Variants in RAE1 observed in about 807,000 individuals in gnomAD.
The protein encoded by RAE1 is mRNA export factor RAE1.
In RAE1, 13 loss-of-function variants were observed where a neutral mutation model predicts 52.7. The observed-to-expected ratio is 0.25, with a 90% confidence interval of 0.16 to 0.39. The LOEUF (loss-of-function observed/expected upper bound fraction) is 0.39, where lower values mean the gene tolerates loss of function less well. Among genes scored for constraint, RAE1 ranks in the 10% least tolerant of loss-of-function variants. The pLI is 1.00. For synonymous variants in RAE1, 164 were observed against 153.1 expected (o/e 1.07, Z -0.52); for missense variants, 262 against 459.8 (o/e 0.57, Z 3.93).
At chr20:57,358,300 C>G (rs766035237) in intron 4 of RAE1, 2 of 152,098 alleles carry the variant, frequency 1.3e-5, no homozygotes, top group Non-Finnish European at 2.9e-5. Flanking sequence ...ATTTTTCATT[C>G]GATGAGTGTA....
chr20:57,365,715 AAGAC>A (rs1444104955), intron 5 of RAE1, among the ~76,000 whole-genome samples: 1 of 152,174 alleles, frequency 6.6e-6, no homozygotes, highest in Non-Finnish European at 1.5e-5. Context: ...AAATCTATGA[AAGAC>A]AGGTCATAGG....
At chr20:57,368,193 G>GT (rs1344264810) in intron 7 of RAE1, among the ~76,000 whole-genome samples, 1 of 152,154 alleles carries the variant, frequency 6.6e-6, no homozygotes, top group Non-Finnish European at 1.5e-5. Flanking sequence ...GCTGGTCTTT[G>GT]TTTTATGTAA....
In RAE1 at chr20:57,373,738, G is replaced by A. The variant is rs779871885; in HGVS notation, c.825G>A (p.Ala275=). ...TNTSAPQDIY[A]VNGIAFHPVH... is the part of the protein sequence containing the mutation. ...CTTCAGCTCCTCAGGACATTTATGCGGTACGTTTTTAGACACTTTAACCGT... is the reference window on the plus strand; with the variant it reads ...CTTCAGCTCCTCAGGACATTTATGCAGTACGTTTTTAGACACTTTAACCGT... The change falls in exon 10 of 12, where the codon GCG becomes GCA. Residue 275 remains alanine, a splice_region_variant and synonymous_variant. Coordinates refer to ENST00000395841, the MANE Select transcript of RAE1 (RefSeq NM_003610.4). The A allele has an allele frequency of 1.1e-5, 18 of 1,612,528 alleles. No individual in the cohort carries two copies. In the Admixed American group the frequency reaches 1.2e-4, roughly 10 times the overall value.
intron 8 of RAE1, among the ~76,000 whole-genome samples, chr20:57,370,333 A>G (rs1305979382): frequency 6.6e-6 from 1 of 152,150 alleles, no homozygotes; most frequent in Non-Finnish European, 1.5e-5. Context: ...CTGTTCTTAC[A>G]AGAAACATTT....
chr20:57,358,584 C>T (rs113906620), intron 4 of RAE1: 5,848 of 157,662 alleles, frequency 0.037, 150 homozygotes, highest in African/African-American at 0.082. Flanking sequence ...AGGTAGAAAC[C>T]GACCTGGATT....
At chr20:57,351,879 A>G (rs2066715149) in intron 1 of RAE1, 2 of 985,300 alleles carry the variant, frequency 2.0e-6, no homozygotes, top group South Asian at 4.7e-5. Context: ...TATTTATTGT[A>G]TACGTATATA....
At position 57,366,643 on chromosome 20, in the gene RAE1, C is replaced by CT. The variant is rs1272046193; in HGVS notation, c.376-163dup. ...GGGATTTGGTGGGGACATGCAAACT[C>CT]TGTCAGTGAGGAAGGATTGGTAAAA... On this transcript the variant is annotated intron_variant, in intron 5 of 11. Coordinates refer to ENST00000395841, the MANE Select transcript of RAE1 (RefSeq NM_003610.4). Among the ~76,000 whole-genome samples, 4 of 141,056 alleles carry CT rather than the reference C, an allele frequency of 2.8e-5. No homozygotes were observed. The East Asian group carries it at 5.8e-4, about 20-fold the overall frequency. 92.5% of individuals were successfully genotyped at this position (141,056 alleles called of 152,430 possible).
At chr20:57,353,690 G>A (rs1221149712) in intron 1 of RAE1, among the ~76,000 whole-genome samples, 2 of 152,208 alleles carry the variant, frequency 1.3e-5, no homozygotes, top group Non-Finnish European at 2.9e-5. Flanking sequence ...TGTAAAAAAT[G>A]AGTGAATTTA....
chr20:57,374,295 G>C (rs1176934393), intron 10 of RAE1, among the ~76,000 whole-genome samples: 1 of 152,206 alleles, frequency 6.6e-6, no homozygotes, highest in East Asian at 1.9e-4. Context: ...CTGGTAGACA[G>C]TTCACACCCA....
intron 4 of RAE1, among the ~76,000 whole-genome samples, chr20:57,360,152 G>A (rs898635194): frequency 6.6e-6 from 1 of 152,108 alleles, no homozygotes; most frequent in African/African-American, 2.4e-5. Flanking sequence ...GTGATTTCTA[G>A]AGTAGTATTC....
At position 57,375,031 on chromosome 20, in the gene RAE1, G is replaced by A. The variant is rs1325223214; in HGVS notation, c.1020+230G>A. ...CACAGGAAGTGCTCGGCCAGTGTGA[G>A]CCATTACGGGCTGCTCTGTTCCTGG... On this transcript the variant is annotated intron_variant, in intron 11 of 11. Transcript: ENST00000395841. The A allele has an allele frequency of 1.8e-5, 13 of 706,998 alleles. No individual in the cohort carries two copies. In the Admixed American group the frequency reaches 2.2e-4, roughly 12 times the overall value. The allele number at this position is 706,998 out of a possible 1,614,324, so 43.8% of individuals were successfully genotyped here.
intron 4 of RAE1, among the ~76,000 whole-genome samples, chr20:57,363,817 A>G (rs1163716650): frequency 6.6e-6 from 1 of 152,274 alleles, no homozygotes; most frequent in African/African-American, 2.4e-5. Context: ...GGCAAAACCT[A>G]CACTTCTGAA....
chr20:57,374,372 G>A (rs973237853), intron 10 of RAE1, among the ~76,000 whole-genome samples: 1 of 152,186 alleles, frequency 6.6e-6, no homozygotes, highest in South Asian at 2.1e-4. Context: ...CTTGTTTCTT[G>A]CTGTCCACAT....
At chr20:57,355,558 T>C (rs1265186136) in intron 3 of RAE1, among the ~76,000 whole-genome samples, 1 of 152,238 alleles carries the variant, frequency 6.6e-6, no homozygotes, top group Admixed American at 6.5e-5. Context: ...GATACCCTTC[T>C]GGGACTTGAG....
intron 2 of RAE1, among the ~76,000 whole-genome samples, 191 bp downstream of exon 2, chr20:57,354,319 G>T (rs2066753666): frequency 6.6e-6 from 1 of 152,242 alleles, no homozygotes; most frequent in Non-Finnish European, 1.5e-5. Context: ...TTCCTGGCCT[G>T]CCAGGTCTCC....
intron 7 of RAE1, 58 bp downstream of exon 7, chr20:57,367,137 TC>T: frequency 7.1e-7 from 1 of 1,413,778 alleles, no homozygotes; most frequent in Admixed American, 2.1e-5. Context: ...ATAAGTATTC[TC>T]ACCTTGTGGC....
intron 8 of RAE1, chr20:57,371,494 C>G (rs906512150): frequency 1.3e-5 from 2 of 152,108 alleles, no homozygotes; most frequent in Non-Finnish European, 2.9e-5. Context: ...GAAAGGCAAA[C>G]AAAAACCACA....
At chr20:57,361,849 A>G (rs1448988853) in intron 4 of RAE1, among the ~76,000 whole-genome samples, 2 of 152,214 alleles carry the variant, frequency 1.3e-5, no homozygotes, top group East Asian at 1.9e-4. Flanking sequence ...GGGGTCCCCA[A>G]CCCCCAGGCT....
chr20:57,370,367 C>G (rs955242339), intron 8 of RAE1, among the ~76,000 whole-genome samples: 5 of 152,328 alleles, frequency 3.3e-5, no homozygotes, highest in East Asian at 3.9e-4. Flanking sequence ...TCTTGCCAGC[C>G]TCTTACCCGC....
Sources: gnomAD v4.1 joint callset for allele counts (sites outside exome capture counted in the v4.1 genomes callset) on GRCh38, gnomAD v4.1.1 for gene constraint, MANE v1.5 for transcripts, NCBI Gene and HGNC (gene_info 2026-07-23, HGNC 2026-07-21) for gene names.